Variants in FSTL5 observed in about 807,000 individuals in gnomAD.
FSTL5 encodes follistatin like 5, also known as follistatin-related protein 5.
In FSTL5, 62 loss-of-function variants were observed where a neutral mutation model predicts 89.1. The ratio of observed to expected loss-of-function variants is 0.70; its 90% CI spans 0.57 to 0.86. The LOEUF (loss-of-function observed/expected upper bound fraction) is 0.86, where lower values mean the gene tolerates loss of function less well. Ranked by LOEUF, FSTL5 falls within the 40% of genes least tolerant of loss-of-function variation. The pLI, the probability that FSTL5 is intolerant of heterozygous loss-of-function variation, is 0.00. For synonymous variants in FSTL5, 383 were observed against 346.2 expected (o/e 1.11, Z -1.18); for missense variants, 1,057 against 1,001.6 (o/e 1.06, Z -0.75).
intron 2 of FSTL5, among the ~76,000 whole-genome samples, chr4:162,098,381 A>G (rs1438680078): frequency 6.6e-6 from 1 of 152,042 alleles, no homozygotes; most frequent in Non-Finnish European, 1.5e-5. Context: ...GACATTCTAT[A>G]TCTTCATGCA....
At chr4:161,823,368 C>G (rs1303977484) in intron 4 of FSTL5, among the ~76,000 whole-genome samples, 1 of 152,170 alleles carries the variant, frequency 6.6e-6, no homozygotes, top group Non-Finnish European at 1.5e-5. Flanking sequence ...CCCCTGGCCT[C>G]CCTCCCTCGT....
chr4:162,138,215 T>C (rs1732591282), intron 1 of FSTL5, among the ~76,000 whole-genome samples: 1 of 152,148 alleles, frequency 6.6e-6, no homozygotes, highest in African/African-American at 2.4e-5. Context: ...AGTTCAATAA[T>C]CCAGCTCTAT....
chr4:161,759,767 T>G (rs1338459770), intron 5 of FSTL5, among the ~76,000 whole-genome samples: 1 of 152,186 alleles, frequency 6.6e-6, no homozygotes, highest in Admixed American at 6.5e-5. Flanking sequence ...CGTTCTAATA[T>G]AAAAGTTTCA....
intron 11 of FSTL5, among the ~76,000 whole-genome samples, chr4:161,503,187 G>C (rs1730361050): frequency 6.6e-6 from 1 of 151,598 alleles, no homozygotes; most frequent in Non-Finnish European, 1.5e-5. Context: ...CCATTAGTTA[G>C]AGAATGTAAA....
At chr4:161,418,076 T>C (rs1486746067) in intron 15 of FSTL5, among the ~76,000 whole-genome samples, 1 of 152,182 alleles carries the variant, frequency 6.6e-6, no homozygotes, top group East Asian at 1.9e-4. Flanking sequence ...TGGGTGGGTT[T>C]AGCTCAATTC....
At chr4:161,669,779 G>T (rs976263707) in intron 6 of FSTL5, among the ~76,000 whole-genome samples, 2 of 151,996 alleles carry the variant, frequency 1.3e-5, no homozygotes, top group Non-Finnish European at 2.9e-5. Context: ...ATTTTTCATA[G>T]ATACTAATTA....
chr4:162,087,753 G>A (rs151337030), intron 2 of FSTL5, among the ~76,000 whole-genome samples: 31 of 152,218 alleles, frequency 2.0e-4, no homozygotes, highest in African/African-American at 7.0e-4. Context: ...CTTTGGAGGT[G>A]ACAAAATATC....
chr4:162,060,184 A>C (rs1343034586), intron 2 of FSTL5, among the ~76,000 whole-genome samples: 2 of 152,080 alleles, frequency 1.3e-5, no homozygotes, highest in African/African-American at 4.8e-5. Flanking sequence ...TCTTATGTCT[A>C]TACTTCTATC....
chr4:161,385,918 C>T lies in FSTL5; in HGVS notation c.2373G>A (p.Trp791Ter). 6.2e-7 allele frequency: 1 copy of T among 1,613,892 alleles called. No homozygotes were observed. The highest frequency in any genetic ancestry group is 8.5e-7 in the Non-Finnish European group (1 of 1,179,918). Reference sequence around the variant, plus strand: ...TTTGCCTGTTTTTCCGGTTCCAAGGCCATTCTTCTGCCTTGAGTGGTTCCT... The same window carrying T: ...TTTGCCTGTTTTTCCGGTTCCAAGGTCATTCTTCTGCCTTGAGTGGTTCCT... Reference protein sequence around the residue: ...SLKEPLKAEEWPWNRKNRQIQ... With the variant: ...SLKEPLKAEE Residue 791 changes from tryptophan (W) to a stop codon, truncating the protein, a stop_gained, in exon 16 of 16, where the codon TGG becomes TGA. Transcript: ENST00000306100. LOFTEE classifies it high-confidence loss of function.
intron 6 of FSTL5, among the ~76,000 whole-genome samples, chr4:161,694,566 A>T (rs1351679435): frequency 6.6e-6 from 1 of 152,026 alleles, no homozygotes. Context: ...ATATTTATTC[A>T]TGGTTACCTT....
chr4:161,779,823 A>ATATATATATATATATATATATATG (rs1560841151), intron 4 of FSTL5, among the ~76,000 whole-genome samples: 1 of 106,760 alleles, frequency 9.4e-6, no homozygotes. Flanking sequence ...ATATATATAT[A>ATATATATATATATATATATATATG]TATATATATA....
chr4:162,123,046 G>A (rs536198354), intron 1 of FSTL5, among the ~76,000 whole-genome samples: 9 of 152,032 alleles, frequency 5.9e-5, no homozygotes, highest in Admixed American at 2.0e-4. Flanking sequence ...GAGGTACTAT[G>A]TTACAGATTT....
chr4:161,548,583 A>G (rs1291325581), intron 8 of FSTL5, among the ~76,000 whole-genome samples: 1 of 151,828 alleles, frequency 6.6e-6, no homozygotes, highest in Non-Finnish European at 1.5e-5. Flanking sequence ...AACTTGAGTT[A>G]TGTCATAGGT....
intron 2 of FSTL5, among the ~76,000 whole-genome samples, chr4:162,045,241 C>T (rs1322446779): frequency 6.6e-6 from 1 of 151,978 alleles, no homozygotes; most frequent in Non-Finnish European, 1.5e-5. Context: ...ATTAATTGGC[C>T]TAATTTCAGT....
intron 4 of FSTL5, among the ~76,000 whole-genome samples, chr4:161,880,250 A>G (rs1301545645): frequency 6.6e-6 from 1 of 152,096 alleles, no homozygotes; most frequent in East Asian, 1.9e-4. Flanking sequence ...ATTTTGATGA[A>G]TGAAACTTCA....
At chr4:161,723,881 A>T in intron 6 of FSTL5, among the ~76,000 whole-genome samples, 1 of 152,264 alleles carries the variant, frequency 6.6e-6, no homozygotes, top group East Asian at 1.9e-4. Flanking sequence ...ATATATTTGA[A>T]AATAATTCTA....
At chr4:161,663,915 C>T (rs1281519988) in intron 6 of FSTL5, among the ~76,000 whole-genome samples, 3 of 152,344 alleles carry the variant, frequency 2.0e-5, no homozygotes, top group Middle Eastern at 3.4e-3. Context: ...TGTGCACCCA[C>T]GGGCTCAACA....
intron 10 of FSTL5, among the ~76,000 whole-genome samples, chr4:161,513,272 G>GGGGGAGAGAGAGAGAGAGA (rs1349844190): frequency 9.1e-6 from 1 of 109,978 alleles, no homozygotes; most frequent in African/African-American, 3.5e-5. Context: ...ACAAGGAGGG[G>GGGGGAGAGAGAGAGAGAGA]GAGAGAGAGA....
intron 3 of FSTL5, among the ~76,000 whole-genome samples, chr4:162,025,114 A>T (rs1737231657): frequency 6.6e-6 from 1 of 152,124 alleles, no homozygotes. Context: ...ATCATGGTAA[A>T]AACAAGATAA....
Sources: allele counts gnomAD v4.1 joint callset (sites outside exome capture counted in the v4.1 genomes callset), GRCh38; gene constraint gnomAD v4.1.1; transcripts MANE v1.5; gene names NCBI Gene and HGNC (gene_info 2026-07-23, HGNC 2026-07-21).